COL8A1: variants seen among roughly 807,000 people sequenced by gnomAD.
The protein encoded by COL8A1 is collagen type VIII alpha 1 chain, also known as collagen alpha-1(VIII) chain.
A neutral mutation model predicts 42.7 loss-of-function variants in COL8A1; 21 were observed. The observed-to-expected ratio is 0.49, with a 90% confidence interval of 0.35 to 0.71. The LOEUF is 0.71. Ranked by LOEUF, COL8A1 falls within the 30% of genes least tolerant of loss-of-function variation. The pLI is 0.01. For synonymous variants in COL8A1, 367 were observed against 369.1 expected (o/e 0.99, Z 0.06); for missense variants, 788 against 962.4 (o/e 0.82, Z 2.40).
At chr3:99,684,254 G>A (rs1938980887) in intron 1 of COL8A1, among the ~76,000 whole-genome samples, 1 of 152,108 alleles carries the variant, frequency 6.6e-6, no homozygotes, top group Non-Finnish European at 1.5e-5. Flanking sequence ...GTACTGTACT[G>A]GACATTTTAT....
At chr3:99,775,909 T>A (rs1306459468) in intron 2 of COL8A1, among the ~76,000 whole-genome samples, 1 of 152,210 alleles carries the variant, frequency 6.6e-6, no homozygotes, top group Non-Finnish European at 1.5e-5. Flanking sequence ...GAGGAAAAGA[T>A]CCCTCCAAAA....
chr3:99,704,635 G>T (rs1939629732), intron 1 of COL8A1, among the ~76,000 whole-genome samples: 1 of 152,112 alleles, frequency 6.6e-6, no homozygotes, highest in Admixed American at 6.6e-5. Flanking sequence ...GCACTGGCCG[G>T]CTGAGTCCTC....
chr3:99,698,019 A>T (rs34453501), intron 1 of COL8A1, among the ~76,000 whole-genome samples: 8 of 151,322 alleles, frequency 5.3e-5, no homozygotes, highest in African/African-American at 1.9e-4. Flanking sequence ...CCCTGTGTCT[A>T]TGTGTTCTCA....
At chr3:99,705,473 C>T (rs1315355352) in intron 1 of COL8A1, among the ~76,000 whole-genome samples, 2 of 152,168 alleles carry the variant, frequency 1.3e-5, no homozygotes, top group East Asian at 1.9e-4. Flanking sequence ...AAAGAGAGCA[C>T]TGGAATCCAG....
At chr3:99,663,837 G>A (rs774549905) in intron 1 of COL8A1, among the ~76,000 whole-genome samples, 1 of 152,032 alleles carries the variant, frequency 6.6e-6, no homozygotes, top group Non-Finnish European at 1.5e-5. Flanking sequence ...TAAGAAAAAT[G>A]ATTAATGTAG....
intron 1 of COL8A1, among the ~76,000 whole-genome samples, chr3:99,667,288 G>C (rs1938395439): frequency 6.6e-6 from 1 of 152,002 alleles, no homozygotes; most frequent in Non-Finnish European, 1.5e-5. Flanking sequence ...ATTTTTTGTT[G>C]CTGGTTCCAT....
At chr3:99,653,373 CT>C (rs200193806) in intron 1 of COL8A1, among the ~76,000 whole-genome samples, 68 of 151,430 alleles carry the variant, frequency 4.5e-4, no homozygotes, top group African/African-American at 1.3e-3. Context: ...CATTTTTGGT[CT>C]TTTTTTTGGT....
intron 1 of COL8A1, among the ~76,000 whole-genome samples, chr3:99,676,957 C>T (rs566036790): frequency 6.6e-6 from 1 of 151,872 alleles, no homozygotes; most frequent in African/African-American, 2.4e-5. Context: ...GTGGCTTACA[C>T]CTGTAATGCC....
chr3:99,788,444 A>G lies in COL8A1; in HGVS notation c.-3-2236A>G, dbSNP rs144861789. Among the ~76,000 whole-genome samples the G allele has an allele frequency of 7.6e-3, 1,155 of 152,322 alleles. 20 individuals are homozygous for G. The highest frequency in any genetic ancestry group is 0.026 in the African/African-American group (1,068 of 41,580). ...AATTGATGGAAGGCTGAAGGGCCAA[A>G]CATGCTAGCTTATTATTAAAGACTT... On this transcript the variant is annotated intron_variant, in intron 2 of 3. Transcript: ENST00000652472.
intron 2 of COL8A1, among the ~76,000 whole-genome samples, chr3:99,746,425 C>A (rs1941026605): frequency 6.6e-6 from 1 of 152,094 alleles, no homozygotes. Context: ...TGAACTCAAC[C>A]CAGAGAAACT....
intron 1 of COL8A1, among the ~76,000 whole-genome samples, chr3:99,687,192 C>T (rs1010685083): frequency 1.3e-5 from 2 of 152,174 alleles, no homozygotes; most frequent in African/African-American, 4.8e-5. Flanking sequence ...AGCCACCTAG[C>T]GGCAGACCAA....
chr3:99,706,459 G>C (rs1027606467), intron 1 of COL8A1, among the ~76,000 whole-genome samples: 1 of 152,134 alleles, frequency 6.6e-6, no homozygotes, highest in African/African-American at 2.4e-5. Context: ...CCATATCTGA[G>C]GCAGTCATTC....
chr3:99,692,744 T>C (rs903020002), intron 1 of COL8A1, among the ~76,000 whole-genome samples: 1 of 152,262 alleles, frequency 6.6e-6, no homozygotes, highest in Non-Finnish European at 1.5e-5. Context: ...AAGATCACCA[T>C]AGAGCTGAAG....
intron 1 of COL8A1, among the ~76,000 whole-genome samples, chr3:99,659,921 C>T (rs1270046541): frequency 2.0e-5 from 3 of 152,128 alleles, no homozygotes. Context: ...GTGATGTGGG[C>T]AGGAAAAACA....
intron 1 of COL8A1, among the ~76,000 whole-genome samples, chr3:99,727,087 A>C (rs111540847): frequency 0.22 from 33,078 of 151,664 alleles, 4,209 homozygotes; most frequent in African/African-American, 0.34. Flanking sequence ...CTTTTATTTC[A>C]TTGAGCAGTG....
At chr3:99,645,437 T>C (rs1464864590) in intron 1 of COL8A1, among the ~76,000 whole-genome samples, 1 of 152,132 alleles carries the variant, frequency 6.6e-6, no homozygotes, top group Non-Finnish European at 1.5e-5. Context: ...TGCTATTGGA[T>C]CCACAGTTCT....
rs9845730 is a variant in COL8A1 at position 99,661,318 on chromosome 3, A to C, written c.-129+22654A>C. On this transcript the variant is annotated intron_variant, in intron 1 of 3. Coordinates refer to ENST00000652472, the MANE Select transcript of COL8A1 (RefSeq NM_020351.4). ...AAAGACTTAAATAGATATTTCTCCA[A>C]AGAAGATATACAAATGGTCAACAAG... Among the ~76,000 whole-genome samples, 500 of 152,362 alleles carry C rather than the reference A, an allele frequency of 3.3e-3. 2 individuals carry two copies. Among genetic ancestry groups the C allele is most frequent in the African/African-American group, 0.011 (471 of 41,588 alleles).
At chr3:99,743,616 A>G (rs1224782759) in intron 1 of COL8A1, among the ~76,000 whole-genome samples, 1 of 152,184 alleles carries the variant, frequency 6.6e-6, no homozygotes, top group African/African-American at 2.4e-5. Context: ...AATTAACTCA[A>G]ATTACTTAAA....
intron 1 of COL8A1, among the ~76,000 whole-genome samples, chr3:99,674,819 T>C (rs1455148309): frequency 6.6e-6 from 1 of 152,092 alleles, no homozygotes; most frequent in Admixed American, 6.6e-5. Flanking sequence ...GACTTATTTA[T>C]TGAATAATGA....
Sources: gnomAD v4.1 joint callset for allele counts (sites outside exome capture counted in the v4.1 genomes callset) on GRCh38, gnomAD v4.1.1 for gene constraint, MANE v1.5 for transcripts, NCBI Gene and HGNC (gene_info 2026-07-23, HGNC 2026-07-21) for gene names.